COL11A1: variants seen among roughly 807,000 people sequenced by gnomAD.
COL11A1 encodes collagen alpha-1(XI) chain.
In COL11A1, 74 loss-of-function variants were observed where a neutral mutation model predicts 265.2. The observed-to-expected ratio is 0.28, with a 90% CI of 0.23 to 0.34. COL11A1 has a LOEUF of 0.34. Ranked by LOEUF, COL11A1 falls within the 10% of genes least tolerant of loss-of-function variation. The pLI is 1.00. For synonymous variants in COL11A1, 816 were observed against 727.6 expected, an observed-to-expected ratio of 1.12 and a Z score of -1.96; for missense variants, 2,165 against 2,263.6, an observed-to-expected ratio of 0.96 and a Z score of 0.88.
chr1:103,006,292 G>A lies in COL11A1; in HGVS notation c.1707C>T (p.Pro569=). The change falls in exon 16 of 67, where the codon CCC becomes CCT. Residue 569 remains proline, a synonymous_variant. Transcript: ENST00000370096. ...GPQGPRGVQG[P]PGPTGKPGKR... ...TTCCAGGTTTTCCCGTTGGACCAGG[G>A]GGACCCTGGACGCCTCGAGGGCCCT... 6.2e-7 allele frequency: 1 copy of A among 1,609,396 alleles called. No homozygotes were observed. Among genetic ancestry groups the A allele is most frequent in the Non-Finnish European group, 8.5e-7 (1 of 1,177,714 alleles).
At chr1:102,888,133 T>G (rs1307581175) in intron 62 of COL11A1, among the ~76,000 whole-genome samples, 1 of 152,176 alleles carries the variant, frequency 6.6e-6, no homozygotes, top group Non-Finnish European at 1.5e-5. Flanking sequence ...TACCATTTAA[T>G]TAGTTATGTG....
chr1:103,002,300 A>G, intron 23 of COL11A1, 128 bp downstream of exon 23: 1 of 913,446 alleles, frequency 1.1e-6, no homozygotes, highest in Non-Finnish European at 1.7e-6. Context: ...AAAAGTATGT[A>G]TTTTCCTACA....
intron 42 of COL11A1, among the ~76,000 whole-genome samples, chr1:102,940,812 C>T (rs1434263534): frequency 1.3e-5 from 2 of 152,092 alleles, no homozygotes; most frequent in Non-Finnish European, 2.9e-5. Context: ...TCAAAAAATG[C>T]AGTTGCTCAT....
chr1:103,049,452 G>T (rs1384315249), intron 4 of COL11A1, among the ~76,000 whole-genome samples: 3 of 152,052 alleles, frequency 2.0e-5, no homozygotes, highest in Admixed American at 1.3e-4. Context: ...GATTTGCTTG[G>T]TAGATCTTCC....
intron 58 of COL11A1, 79 bp downstream of exon 58, chr1:102,890,372 T>C: frequency 7.7e-7 from 1 of 1,297,212 alleles, no homozygotes; most frequent in African/African-American, 1.5e-5. Context: ...TTCTTTTGAA[T>C]GATTTTAATC....
intron 30 of COL11A1, among the ~76,000 whole-genome samples, chr1:102,986,033 TCA>T (rs1176262799): frequency 6.6e-6 from 1 of 152,126 alleles, no homozygotes; most frequent in East Asian, 1.9e-4. Flanking sequence ...TTTTGACTAT[TCA>T]CACTCTCTAT....
intron 7 of COL11A1, 136 bp downstream of exon 7, chr1:103,025,385 G>T: frequency 1.4e-6 from 1 of 718,728 alleles, no homozygotes; most frequent in Non-Finnish European, 2.4e-6. Context: ...CATTGCTATT[G>T]TTTCTCTTAC....
rs572514979 is a variant in COL11A1, at chr1:103,096,258, T to G, written c.106+11815A>C. ...GAGGAAGTAACTGCAATTTTCCAGA[T>G]ATAAAATGTTGCTTTCTTAGACTGA... On this transcript the variant is annotated intron_variant, in intron 1 of 66. Transcript: ENST00000370096. 4.6e-5 allele frequency among the ~76,000 whole-genome samples: 7 copies of G among 152,148 alleles called. No homozygotes were observed. The South Asian group carries it at 1.4e-3, about 31-fold the overall frequency.
intron 26 of COL11A1, among the ~76,000 whole-genome samples, chr1:102,996,828 T>C (rs1348790163): frequency 1.3e-5 from 2 of 151,910 alleles, no homozygotes; most frequent in African/African-American, 4.8e-5. Flanking sequence ...TTTATATTAT[T>C]ATCATTTACT....
intron 4 of COL11A1, among the ~76,000 whole-genome samples, chr1:103,067,775 A>G: frequency 6.6e-6 from 1 of 151,764 alleles, no homozygotes; most frequent in African/African-American, 2.4e-5. Flanking sequence ...TTCAGTAGAA[A>G]TTTTAAAGAT....
chr1:103,066,774 C>A (rs969629898), intron 4 of COL11A1, among the ~76,000 whole-genome samples: 1 of 151,812 alleles, frequency 6.6e-6, no homozygotes, highest in African/African-American at 2.4e-5. Flanking sequence ...AAAGGCCCCC[C>A]AGTAACCTGA....
rs552663892 is a variant in COL11A1 at position 103,001,845 on chromosome 1, G to A, written c.2142+80C>T. The A allele has an allele frequency of 1.2e-4, 153 of 1,272,086 alleles. 1 individual carries two copies. Among genetic ancestry groups the A allele is most frequent in the Middle Eastern group, 1.1e-3 (6 of 5,408 alleles). The allele number at this position is 1,272,086 out of a possible 1,614,324, so 78.8% of individuals were successfully genotyped here. A position where few individuals can be genotyped will look rare whatever the true frequency, so the allele number is the denominator to read the frequency against. On this transcript the variant is annotated intron_variant, in intron 24 of 66. Transcript: ENST00000370096. ...CTATCTAGATATCTTAACAAAAACA[G>A]AAGGCAGACCTTATACCTGCCTAAG...
At chr1:103,049,160 C>T (rs1414747635) in intron 4 of COL11A1, among the ~76,000 whole-genome samples, 1 of 152,056 alleles carries the variant, frequency 6.6e-6, no homozygotes, top group African/African-American at 2.4e-5. Flanking sequence ...TCCTTGTTAA[C>T]CTTCTGTCTC....
At chr1:103,049,941 G>A (rs1669657080) in intron 4 of COL11A1, among the ~76,000 whole-genome samples, 1 of 152,154 alleles carries the variant, frequency 6.6e-6, no homozygotes, top group African/African-American at 2.4e-5. Flanking sequence ...ACTCTCTTCT[G>A]GCTTGTAGAG....
chr1:103,066,609 CAG>C (rs1558018389), intron 4 of COL11A1, among the ~76,000 whole-genome samples: 1 of 138,440 alleles, frequency 7.2e-6, no homozygotes. Flanking sequence ...AATCAGAAAA[CAG>C]AGAGTACAAA....
At chr1:102,997,249 C>A (rs1490558786) in intron 25 of COL11A1, 125 bp from the exon 26 acceptor site, 10 of 913,134 alleles carry the variant, frequency 1.1e-5, no homozygotes, top group Non-Finnish European at 1.6e-5. Flanking sequence ...AAACATTGAA[C>A]ACTTTTGCAT....
At chr1:102,913,092 C>G (rs1448721652) in intron 53 of COL11A1, among the ~76,000 whole-genome samples, 1 of 152,014 alleles carries the variant, frequency 6.6e-6, no homozygotes, top group Non-Finnish European at 1.5e-5. Context: ...TGGGAATGGC[C>G]CCAGAGACAA....
intron 37 of COL11A1, among the ~76,000 whole-genome samples, chr1:102,968,654 GAGAA>G (rs1423541358): frequency 6.6e-6 from 1 of 152,188 alleles, no homozygotes; most frequent in Non-Finnish European, 1.5e-5. Flanking sequence ...AGAACAAAGT[GAGAA>G]AGAAAGCTTT....
chr1:102,935,821 T>C (rs1326748042), intron 44 of COL11A1, among the ~76,000 whole-genome samples: 5 of 152,170 alleles, frequency 3.3e-5, no homozygotes, highest in Non-Finnish European at 7.4e-5. Context: ...TAAAGCAAGA[T>C]TTTGAAAAGC....
Sources: allele counts gnomAD v4.1 joint callset (sites outside exome capture counted in the v4.1 genomes callset), GRCh38; gene constraint gnomAD v4.1.1; transcripts MANE v1.5; gene names NCBI Gene and HGNC (gene_info 2026-07-23, HGNC 2026-07-21).